C1RL: variants seen among roughly 807,000 people sequenced by gnomAD.
C1RL encodes complement C1r subcomponent-like protein.
Under a neutral mutation model 27.9 loss-of-function variants are expected in C1RL, and 27 were observed. That is an observed-to-expected ratio of 0.97 (90% CI 0.71 to 1.33). The LOEUF (loss-of-function observed/expected upper bound fraction) is 1.33, where lower values mean the gene tolerates loss of function less well. Ranked by LOEUF, C1RL falls within the 40% of genes most tolerant of loss-of-function variation. The pLI is 0.00. For missense variants in C1RL, 563 were observed against 623.9 expected, an observed-to-expected ratio of 0.90 and a Z score of 1.04; for synonymous variants, 248 against 252.1, an observed-to-expected ratio of 0.98 and a Z score of 0.15.
At position 7,099,893 on chromosome 12, in the gene C1RL, G is replaced by T; in HGVS notation, c.616+8C>A. ...ATGGAAGCCACCCCTCGGCAGGTGG[G>T]GACTCACCTGCTGCCGCGGCCTGAT... is the stretch of plus-strand genomic sequence containing the variant. On this transcript the variant is annotated splice_region_variant and intron_variant, in intron 4 of 5. Transcript: ENST00000266542. The T allele has an allele frequency of 6.2e-7, 1 of 1,613,978 alleles. No homozygotes were observed. The highest frequency in any genetic ancestry group is 8.5e-7 in the Non-Finnish European group (1 of 1,179,986).
In C1RL at chr12:7,101,972, A is replaced by G. The variant is rs971279865; in HGVS notation, c.416T>C (p.Phe139Ser). ...VSSGRSLRLT[F>S]RTQPSSENKT... Reference sequence around the variant, plus strand: ...GTTCTCCGAGGAAGGCTGTGTGCGGAAGGTCAGCCGCAAACTCCTCCCTGA... The same window carrying G: ...GTTCTCCGAGGAAGGCTGTGTGCGGGAGGTCAGCCGCAAACTCCTCCCTGA... The change falls in exon 3 of 6, where the codon TTC becomes TCC. Residue 139 changes from phenylalanine (F) to serine (S), a missense_variant. By Grantham distance (155) the Phe-to-Ser change is radical. Transcript: ENST00000266542. The G allele has an allele frequency of 6.2e-7, 1 of 1,614,220 alleles. No individual in the cohort carries two copies. Among genetic ancestry groups the G allele is most frequent in the Non-Finnish European group, 8.5e-7 (1 of 1,180,040 alleles).
chr12:7,097,075 G>T lies in C1RL; in HGVS notation c.780C>A (p.Ala260=), dbSNP rs750306408. The part of the protein sequence containing the change: ...RAKLGNFPWQ[A]FTSIHGRGGG... ...CCCCACGGCCGTGGATACTGGTGAA[G>T]GCTTGCCAGGGGAAGTTGCCCAGCT... Residue 260 remains alanine, a synonymous_variant, in exon 6 of 6, where the codon GCC becomes GCA. Coordinates refer to ENST00000266542, the MANE Select transcript of C1RL (RefSeq NM_016546.4). 6.2e-7 allele frequency: 1 copy of T among 1,614,184 alleles called. No homozygotes were observed. The highest frequency in any genetic ancestry group is 2.2e-5 in the East Asian group (1 of 44,872).
Position 7,099,954 on chromosome 12 carries a change from G to T in C1RL, c.563C>A (p.Pro188His). ...SEAINAPGDN[P>H]AKVQNHCQEP... ...CTGGCAGTGGTTCTGGACCTTGGCA[G>T]GGTTGTCTCCAGGTGCGTTGATGGC... Residue 188 changes from proline to histidine, a missense_variant, in exon 4 of 6, where the codon CCT becomes CAT. By Grantham distance (77) the Pro-to-His change is moderately conservative (BLOSUM62 -2). Transcript: ENST00000266542. 1.2e-6 allele frequency: 2 copies of T among 1,614,056 alleles called. No individual in the cohort carries two copies. Among genetic ancestry groups the T allele is most frequent in the South Asian group, 1.1e-5 (1 of 91,064 alleles).
chr12:7,097,821 G>A (rs1938497405), intron 5 of C1RL, among the ~76,000 whole-genome samples: 1 of 151,702 alleles, frequency 6.6e-6, no homozygotes, highest in Non-Finnish European at 1.5e-5. Flanking sequence ...CATACTACAG[G>A]CAGAGTCTGT....
chr12:7,097,030 GT>G lies in C1RL; in HGVS notation c.824del (p.Asp275AlafsTer25), dbSNP rs1313593643. The G allele has an allele frequency of 1.2e-6, 2 of 1,614,014 alleles. No individual in the cohort carries two copies. Among genetic ancestry groups the G allele is most frequent in the African/African-American group, 1.3e-5 (1 of 74,914 alleles). On this transcript the variant is annotated frameshift_variant, in exon 6 of 6. Transcript: ENST00000266542. LOFTEE classifies it low-confidence loss of function (END_TRUNC). ...TGTGGGCAGCAGTGAGGATCCATCT[GT>G]CCCCCAGCAGGGCCCCGCCCCCACG... ...HGRGGGALLG[D>X]RWILTAAHTI...
At chr12:7,100,653 G>T (rs956695585) in intron 3 of C1RL, among the ~76,000 whole-genome samples, 6 of 152,134 alleles carry the variant, frequency 3.9e-5, no homozygotes, top group African/African-American at 1.4e-4. Flanking sequence ...GCTGGGTGTG[G>T]TGGCATACCT....
chr12:7,108,587 A>G (rs1488727515), intron 1 of C1RL, 108 bp from the exon 2 acceptor site: 2 of 833,902 alleles, frequency 2.4e-6, no homozygotes, highest in Non-Finnish European at 3.7e-6. Flanking sequence ...CTCGCGAGGC[A>G]GGGCTAGAAG....
intron 2 of C1RL, 43 bp from the exon 3 acceptor site, chr12:7,102,130 T>C (rs760663452): frequency 5.1e-6 from 8 of 1,568,076 alleles, no homozygotes; most frequent in Non-Finnish European, 7.0e-6. Flanking sequence ...AGGTGTGGGG[T>C]GAATCCGCGC....
intron 5 of C1RL, 37 bp downstream of exon 5, chr12:7,099,649 C>T (rs921951085): frequency 6.5e-7 from 1 of 1,548,830 alleles, no homozygotes; most frequent in Non-Finnish European, 8.7e-7. Flanking sequence ...GCAGCTGAGG[C>T]TTGTTGGGGG....
chr12:7,102,597 A>T (rs1353354280), intron 2 of C1RL, among the ~76,000 whole-genome samples: 3 of 152,132 alleles, frequency 2.0e-5, no homozygotes, highest in Non-Finnish European at 1.5e-5. Context: ...TTTGGCCAAC[A>T]TCTGTGAGGC....
rs1938374857 is a variant in C1RL at position 7,094,659 on chromosome 12, A to G, written c.*1732T>C. 1.0e-6 allele frequency: 1 copy of G among 979,644 alleles called. No individual in the cohort carries two copies. Among genetic ancestry groups the G allele is most frequent in the Non-Finnish European group, 1.2e-6 (1 of 824,650 alleles). 60.7% of individuals were successfully genotyped at this position (979,644 alleles called of 1,614,324 possible). ...AATAAAAACATTTCATGCTCATTAA[A>G]CAAATTTTAGCCAATAGAGAATAGT... On this transcript the variant is annotated 3_prime_UTR_variant, in exon 6 of 6. Coordinates refer to ENST00000266542, the MANE Select transcript of C1RL (RefSeq NM_016546.4).
At chr12:7,109,067 C>T (rs369785021) in intron 1 of C1RL, 43 bp downstream of exon 1, 566 of 1,474,998 alleles carry the variant, frequency 3.8e-4, no homozygotes, top group Non-Finnish European at 4.9e-4. Context: ...TTTCTCTTCC[C>T]CTCCCGTCCT....
Position 7,104,238 on chromosome 12 carries a change from C to T in C1RL, c.301-2151G>A, listed in dbSNP as rs1403121530. Among the ~76,000 whole-genome samples, 1 of 152,114 alleles carries T rather than the reference C, an allele frequency of 6.6e-6. No individual in the cohort carries two copies. The highest frequency in any genetic ancestry group is 2.4e-5 in the African/African-American group (1 of 41,418). ...TGGCACGGGGATGGCAGACCAGAAG[C>T]CTGTGAGGGAGACTGCAGAATCCTA... On this transcript the variant is annotated intron_variant, in intron 2 of 5. Transcript: ENST00000266542. This position sits in a 1 kb window ranked among gnomAD's most constrained non-coding sequence, Gnocchi z 5.4.
At chr12:7,103,911 A>G (rs1369559189) in intron 2 of C1RL, among the ~76,000 whole-genome samples, 1 of 152,234 alleles carries the variant, frequency 6.6e-6, no homozygotes, top group African/African-American at 2.4e-5. Context: ...TGAATTGAAC[A>G]AAGTATCATC....
intron 5 of C1RL, chr12:7,098,505 C>T (rs1198481677): frequency 6.6e-6 from 1 of 152,140 alleles, no homozygotes; most frequent in African/African-American, 2.4e-5. Flanking sequence ...GATATAAAAA[C>T]TTGTACACAA....
intron 3 of C1RL, 105 bp from the exon 4 acceptor site, chr12:7,100,131 AT>A: frequency 8.5e-7 from 1 of 1,174,062 alleles, no homozygotes; most frequent in Non-Finnish European, 1.2e-6. Flanking sequence ...TTTATTTTTT[AT>A]TTTTAGTTTT....
In C1RL at chr12:7,102,163, CCTCGGTGTGA is replaced by C. The variant is rs998249990; in HGVS notation, c.301-86_301-77del. Reference sequence around the variant, plus strand: ...CGCTGCTGGCATCACAGGGGCACATCCTCGGTGTGACTCCTGCCCCATCTAGACGGGCCGT... The same window carrying C: ...CGCTGCTGGCATCACAGGGGCACATCCTCCTGCCCCATCTAGACGGGCCGT... On this transcript the variant is annotated intron_variant, in intron 2 of 5. Transcript: ENST00000266542. The C allele has an allele frequency of 3.4e-6, 5 of 1,459,422 alleles. No individual in the cohort carries two copies. In the African/African-American group the frequency reaches 6.9e-5, roughly 20 times the overall value. The allele number at this position is 1,459,422 out of a possible 1,614,324, so 90.4% of individuals were successfully genotyped here.
At chr12:7,109,021 A>AGGGGG (rs1938872852) in intron 1 of C1RL, 89 bp downstream of exon 1, 1 of 290,360 alleles carries the variant, frequency 3.4e-6, no homozygotes, top group Admixed American at 5.6e-5. Context: ...TGGGGGGGGT[A>AGGGGG]GGGTGGGGGG....
At position 7,095,433 on chromosome 12, in the gene C1RL, T is replaced by C. The variant is rs1472657503; in HGVS notation, c.*958A>G. 6 of 998,548 alleles carry C rather than the reference T, an allele frequency of 6.0e-6. No individual in the cohort carries two copies. Among genetic ancestry groups the C allele is most frequent in the Non-Finnish European group, 6.0e-6 (5 of 837,266 alleles). 61.9% of individuals were successfully genotyped at this position (998,548 alleles called of 1,614,324 possible). On this transcript the variant is annotated 3_prime_UTR_variant, in exon 6 of 6. Transcript: ENST00000266542. The stretch of plus-strand genomic sequence containing the variant: ...CCGGCCCATCACCTCCAGGTTTTAC[T>C]AAAAATTAAAGAGTTGGTCCTCTCA...
Sources: gnomAD v4.1 joint callset for allele counts (sites outside exome capture counted in the v4.1 genomes callset) on GRCh38, gnomAD v4.1.1 for gene constraint, Gnocchi (gnomAD v3.1) non-coding constraint, MANE v1.5 for transcripts, NCBI Gene and HGNC (gene_info 2026-07-23, HGNC 2026-07-21) for gene names.